The following ADGRB3 variants were observed in gnomAD, a reference collection of about 807,000 sequenced individuals.
ADGRB3 encodes brain-specific angiogenesis inhibitor 3.
ADGRB3 carries 37 observed loss-of-function variants against 193.4 expected under a neutral mutation model. The observed-to-expected ratio is 0.19, with a 90% CI of 0.15 to 0.25. ADGRB3 has a LOEUF of 0.25. Among genes scored for constraint, ADGRB3 ranks in the 10% least tolerant of loss-of-function variants. The pLI is 1.00. For missense variants in ADGRB3, 1,637 were observed against 1,852.9 expected (o/e 0.88, Z 2.14); for synonymous variants, 690 against 644.2 (o/e 1.07, Z -1.08).
intron 8 of ADGRB3, among the ~76,000 whole-genome samples, chr6:68,957,564 T>C (rs1229817640): frequency 6.6e-6 from 1 of 152,212 alleles, no homozygotes; most frequent in African/African-American, 2.4e-5. Flanking sequence ...CTAGAGAATT[T>C]GAAGACCCAC....
chr6:69,296,561 G>A (rs1452378817), intron 20 of ADGRB3, among the ~76,000 whole-genome samples: 1 of 152,090 alleles, frequency 6.6e-6, no homozygotes, highest in Non-Finnish European at 1.5e-5. Flanking sequence ...AACACAGGAG[G>A]CAAAGAAAAC....
chr6:69,145,804 G>T (rs1025987038), intron 17 of ADGRB3, among the ~76,000 whole-genome samples: 1 of 151,920 alleles, frequency 6.6e-6, no homozygotes, highest in Non-Finnish European at 1.5e-5. Context: ...CCTGACATCT[G>T]CTTAGCTCTC....
intron 20 of ADGRB3, among the ~76,000 whole-genome samples, chr6:69,319,204 T>C (rs1172161091): frequency 6.6e-6 from 1 of 151,266 alleles, no homozygotes; most frequent in Non-Finnish European, 1.5e-5. Context: ...TGTTATTCAG[T>C]TCTAAATAGT....
intron 13 of ADGRB3, among the ~76,000 whole-genome samples, chr6:69,019,698 AACAT>A (rs1770204117): frequency 6.6e-6 from 1 of 152,006 alleles, no homozygotes; most frequent in African/African-American, 2.4e-5. Context: ...CAGAGAGTTT[AACAT>A]CTTAATGCAT....
chr6:69,119,500 T>C (rs1773625655), intron 17 of ADGRB3, among the ~76,000 whole-genome samples: 1 of 152,164 alleles, frequency 6.6e-6, no homozygotes, highest in Non-Finnish European at 1.5e-5. Context: ...AGCGAGGTGA[T>C]GTGTTAGGAA....
intron 17 of ADGRB3, among the ~76,000 whole-genome samples, chr6:69,212,494 G>A (rs56127974): frequency 0.078 from 11,649 of 149,648 alleles, 573 homozygotes; most frequent in Middle Eastern, 0.18. Context: ...ATTATTCATT[G>A]TATTTTTTCC....
intron 3 of ADGRB3, among the ~76,000 whole-genome samples, chr6:68,643,635 A>G (rs1165086190): frequency 6.6e-6 from 1 of 150,762 alleles, no homozygotes; most frequent in Admixed American, 6.6e-5. Flanking sequence ...GTGATTTTAC[A>G]TCAATATTTT....
At chr6:68,701,088 G>A (rs575896884) in intron 3 of ADGRB3, among the ~76,000 whole-genome samples, 20 of 152,156 alleles carry the variant, frequency 1.3e-4, no homozygotes, top group South Asian at 1.0e-3. Context: ...ATTCTATGCC[G>A]AAATTAGAGT....
At chr6:69,354,856 C>T (rs1769306098) in intron 27 of ADGRB3, among the ~76,000 whole-genome samples, 1 of 152,150 alleles carries the variant, frequency 6.6e-6, no homozygotes, top group African/African-American at 2.4e-5. Flanking sequence ...AGTTATTGTA[C>T]ATGAGCTCTG....
chr6:68,994,024 C>T (rs900014537), intron 11 of ADGRB3, 62 bp downstream of exon 11: 25 of 1,534,346 alleles, frequency 1.6e-5, no homozygotes, highest in African/African-American at 1.5e-4. Context: ...TTTGGTCCCA[C>T]GAAGCCAGTG....
chr6:68,818,057 A>G (rs2127379041), intron 3 of ADGRB3, among the ~76,000 whole-genome samples: 1 of 152,196 alleles, frequency 6.6e-6, no homozygotes, highest in Admixed American at 6.6e-5. Flanking sequence ...ACCAAAGTTC[A>G]GTGAATAAAG....
At chr6:68,708,094 T>G (rs1765355007) in intron 3 of ADGRB3, among the ~76,000 whole-genome samples, 1 of 152,136 alleles carries the variant, frequency 6.6e-6, no homozygotes, top group Admixed American at 6.6e-5. Context: ...TTTGTACACT[T>G]AGGGTCCATG....
chr6:68,743,227 G>C (rs770962351), intron 3 of ADGRB3, among the ~76,000 whole-genome samples: 3 of 151,866 alleles, frequency 2.0e-5, no homozygotes, highest in Non-Finnish European at 4.4e-5. Context: ...TTTCTCTCAT[G>C]TTTTCCTTCT....
At chr6:69,082,121 A>T (rs1235316801) in intron 17 of ADGRB3, among the ~76,000 whole-genome samples, 2 of 152,036 alleles carry the variant, frequency 1.3e-5, no homozygotes, top group East Asian at 3.9e-4. Flanking sequence ...TGCAAAGTTG[A>T]GTCACAACAG....
chr6:68,714,367 A>T (rs989779318), intron 3 of ADGRB3, among the ~76,000 whole-genome samples: 2 of 151,008 alleles, frequency 1.3e-5, no homozygotes, highest in African/African-American at 2.4e-5. Context: ...AATTAGTCAA[A>T]TTTTTTTTTG....
chr6:69,284,246 A>G (rs1767502552), intron 20 of ADGRB3, among the ~76,000 whole-genome samples: 2 of 151,812 alleles, frequency 1.3e-5, no homozygotes, highest in Non-Finnish European at 2.9e-5. Flanking sequence ...TTTACCTTTC[A>G]TCTCGTCCCT....
At chr6:69,007,637 C>G (rs564681038) in intron 11 of ADGRB3, among the ~76,000 whole-genome samples, 6 of 150,756 alleles carry the variant, frequency 4.0e-5, no homozygotes, top group Non-Finnish European at 7.4e-5. Context: ...TTAGAAAGTT[C>G]TTTCCTGATG....
intron 26 of ADGRB3, among the ~76,000 whole-genome samples, chr6:69,352,058 A>T (rs1414985640): frequency 6.6e-6 from 1 of 152,312 alleles, no homozygotes; most frequent in Non-Finnish European, 1.5e-5. Flanking sequence ...CAGAAAGTTA[A>T]TATGTACCTA....
intron 29 of ADGRB3, among the ~76,000 whole-genome samples, chr6:69,362,917 G>T (rs1171075495): frequency 6.6e-6 from 1 of 151,956 alleles, no homozygotes; most frequent in Non-Finnish European, 1.5e-5. Flanking sequence ...CAGTAAGTGT[G>T]CATATAATAA....
Sources: gnomAD v4.1 joint callset for allele counts (sites outside exome capture counted in the v4.1 genomes callset) on GRCh38, gnomAD v4.1.1 for gene constraint, MANE v1.5 for transcripts, NCBI Gene and HGNC (gene_info 2026-07-23, HGNC 2026-07-21) for gene names.